ARL14EPL: variants seen among roughly 807,000 people sequenced by gnomAD.
ARL14EPL encodes the protein ARL14 effector protein-like.
In ARL14EPL, 17 loss-of-function variants were observed where a neutral mutation model predicts 15.9. That is an observed-to-expected ratio of 1.07 (90% CI 0.73 to 1.60). The LOEUF is 1.60. Ranked by LOEUF, ARL14EPL falls within the 40% of genes most tolerant of loss-of-function variation. ARL14EPL has a pLI of 0.00. For synonymous variants in ARL14EPL, 78 were observed against 63.8 expected (o/e 1.22, Z -1.06); for missense variants, 214 against 185.9 (o/e 1.15, Z -0.88).
At chr5:116,047,705 T>C (rs1328525156) in intron 1 of ARL14EPL, among the ~76,000 whole-genome samples, 2 of 152,296 alleles carry the variant, frequency 1.3e-5, no homozygotes, top group South Asian at 4.1e-4. Flanking sequence ...CTGGAATGGG[T>C]CTTATGACCT....
chr5:116,043,958 G>A (rs1749215675), intron 1 of ARL14EPL, among the ~76,000 whole-genome samples: 1 of 152,178 alleles, frequency 6.6e-6, no homozygotes, highest in African/African-American at 2.4e-5. Context: ...TGTAGGAAGT[G>A]ATTGACTGTG....
At chr5:116,052,287 C>G (rs567125880) in intron 2 of ARL14EPL, 2 of 1,440,990 alleles carry the variant, frequency 1.4e-6, no homozygotes, top group Admixed American at 1.7e-5. Context: ...GGCGGCATTG[C>G]GAAGCTCGGA....
At chr5:116,040,126 T>C (rs1459839346) in intron 1 of ARL14EPL, among the ~76,000 whole-genome samples, 2 of 152,098 alleles carry the variant, frequency 1.3e-5, no homozygotes, top group East Asian at 1.9e-4. Flanking sequence ...GTAGCTAAAT[T>C]TTTGCGAAGA....
chr5:116,053,176 C>A (rs1306342330), intron 2 of ARL14EPL, among the ~76,000 whole-genome samples: 4 of 151,946 alleles, frequency 2.6e-5, no homozygotes, highest in African/African-American at 9.7e-5. Flanking sequence ...GGTGAAACCC[C>A]ATCTCTACTG....
chr5:116,041,708 A>C (rs1749161737), intron 1 of ARL14EPL, among the ~76,000 whole-genome samples: 2 of 152,096 alleles, frequency 1.3e-5, no homozygotes, highest in South Asian at 4.1e-4. Flanking sequence ...TCCTACCTTC[A>C]ACTCTTGCTC....
chr5:116,040,979 C>CA lies in ARL14EPL; in HGVS notation c.-10+8488dup, dbSNP rs56060606. On this transcript the variant is annotated intron_variant, in intron 1 of 3. Transcript: ENST00000686077. ...TGGGAGACAGAACGAGATTCCCTCT[C>CA]AAAAAAAAAAAAAAGTTTTTATGCT... Among the ~76,000 whole-genome samples the CA allele has an allele frequency of 1.7e-3, 115 of 66,156 alleles. 6 individuals carry two copies. Among genetic ancestry groups the CA allele is most frequent in the African/African-American group, 2.9e-3 (43 of 15,008 alleles). 43.4% of individuals were successfully genotyped at this position (66,156 alleles called of 152,430 possible).
rs1473810164 is a variant in ARL14EPL at position 116,054,109 on chromosome 5, A to T, written c.192A>T (p.Lys64Asn). 4 of 1,535,716 alleles carry T rather than the reference A, an allele frequency of 2.6e-6. No homozygotes were observed. Among genetic ancestry groups the T allele is most frequent in the Admixed American group, 2.0e-5 (1 of 50,966 alleles). The change falls in exon 3 of 4, where the codon AAA becomes AAT. Residue 64 changes from lysine to asparagine, a missense_variant. Lys to Asn is a moderately conservative substitution (Grantham distance 94). Transcript: ENST00000686077. The part of the protein sequence containing the change: ...FNPETRQQKK[K>N]ARMSKMNEYF... ...CTGAAACAAGGCAGCAGAAAAAGAA[A>T]GCCCGGATGTCAAAGATGAATGAAT...
At chr5:116,047,713 C>T (rs1749299923) in intron 1 of ARL14EPL, among the ~76,000 whole-genome samples, 1 of 152,152 alleles carries the variant, frequency 6.6e-6, no homozygotes, top group Non-Finnish European at 1.5e-5. Flanking sequence ...GGTCTTATGA[C>T]CTACAGTTAA....
chr5:116,040,638 T>C (rs1174568197), intron 1 of ARL14EPL, among the ~76,000 whole-genome samples: 1 of 151,132 alleles, frequency 6.6e-6, no homozygotes, highest in East Asian at 1.9e-4. Context: ...ATAATTTAAT[T>C]CTTTTAATAT....
chr5:116,039,554 C>T (rs1055896451), intron 1 of ARL14EPL, among the ~76,000 whole-genome samples: 7 of 151,928 alleles, frequency 4.6e-5, no homozygotes, highest in Middle Eastern at 3.4e-3. Context: ...AGGGAAGAAC[C>T]TAATGAGATT....
chr5:116,046,702 G>A (rs567116785), intron 1 of ARL14EPL, among the ~76,000 whole-genome samples: 4 of 152,266 alleles, frequency 2.6e-5, no homozygotes, highest in South Asian at 2.1e-4. Context: ...CTGTTCCAGC[G>A]CTGAAGAAAT....
chr5:116,046,510 G>C (rs886489717), intron 1 of ARL14EPL, among the ~76,000 whole-genome samples: 1 of 152,172 alleles, frequency 6.6e-6, no homozygotes, highest in Non-Finnish European at 1.5e-5. Flanking sequence ...TGAAGATAGA[G>C]GTATGGACCT....
intron 1 of ARL14EPL, among the ~76,000 whole-genome samples, chr5:116,039,397 A>AACAAATAT (rs1749106870): frequency 6.6e-6 from 1 of 152,200 alleles, no homozygotes; most frequent in Non-Finnish European, 1.5e-5. Flanking sequence ...CACATAGAAG[A>AACAAATAT]ACAAATATAC....
intron 1 of ARL14EPL, among the ~76,000 whole-genome samples, chr5:116,044,638 CTAGAT>C (rs1429267733): frequency 6.6e-6 from 1 of 151,992 alleles, no homozygotes; most frequent in Non-Finnish European, 1.5e-5. Flanking sequence ...AAGCTTAACT[CTAGAT>C]TAACTGATTA....
At chr5:116,052,101 G>C in intron 2 of ARL14EPL, 2 of 1,613,190 alleles carry the variant, frequency 1.2e-6, no homozygotes, top group South Asian at 1.1e-5. Context: ...TTATAGTTGG[G>C]AACTTCCTTA....
intron 1 of ARL14EPL, among the ~76,000 whole-genome samples, chr5:116,035,407 C>T (rs1293873531): frequency 6.6e-6 from 1 of 152,196 alleles, no homozygotes; most frequent in Non-Finnish European, 1.5e-5. Context: ...CATGATCAAG[C>T]CTAAGCTCAG....
intron 1 of ARL14EPL, among the ~76,000 whole-genome samples, chr5:116,035,750 G>A (rs1454793320): frequency 6.6e-6 from 1 of 152,194 alleles, no homozygotes; most frequent in East Asian, 1.9e-4. Context: ...CAAAAACTCA[G>A]AGGAAAGCCC....
chr5:116,056,290 C>T (rs1028060745), intron 3 of ARL14EPL, among the ~76,000 whole-genome samples: 1 of 152,088 alleles, frequency 6.6e-6, no homozygotes, highest in African/African-American at 2.4e-5. Context: ...CCTGTTTCTC[C>T]ACATCCTCTC....
rs1749459221 is a variant in ARL14EPL, at chr5:116,054,118, G to A, written c.201G>A (p.Met67Ile). ...GGCAGCAGAAAAAGAAAGCCCGGAT[G>A]TCAAAGATGAATGAATATTTTTCTA... is the stretch of plus-strand genomic sequence containing the variant. ...ETRQQKKKAR[M>I]SKMNEYFSTK... The change falls in exon 3 of 4, where the codon ATG becomes ATA. Residue 67 changes from methionine to isoleucine, a missense_variant. Coordinates refer to ENST00000686077, the MANE Select transcript of ARL14EPL (RefSeq NM_001195581.2). 6.5e-7 allele frequency: 1 copy of A among 1,535,650 alleles called. No individual in the cohort carries two copies. Among genetic ancestry groups the A allele is most frequent in the Non-Finnish European group, 8.7e-7 (1 of 1,146,666 alleles).
Sources: gnomAD v4.1 joint callset for allele counts (sites outside exome capture counted in the v4.1 genomes callset) on GRCh38, gnomAD v4.1.1 for gene constraint, MANE v1.5 for transcripts, NCBI Gene and HGNC (gene_info 2026-07-23, HGNC 2026-07-21) for gene names.